Variants in RALYL observed in about 807,000 individuals in gnomAD.
RALYL encodes RNA-binding Raly-like protein.
Under a neutral mutation model 35.1 loss-of-function variants are expected in RALYL, and 29 were observed. The observed-to-expected ratio is 0.83, with a 90% confidence interval of 0.61 to 1.13. RALYL has a LOEUF of 1.13. RALYL is among the 50% of genes most tolerant of loss of function. The pLI is 0.00. For missense variants in RALYL, 359 were observed against 360.4 expected (o/e 1.00, Z 0.03); for synonymous variants, 120 against 127.6 (o/e 0.94, Z 0.40).
At chr8:84,533,914 C>T (rs1056323785) in intron 2 of RALYL, among the ~76,000 whole-genome samples, 11 of 152,170 alleles carry the variant, frequency 7.2e-5, no homozygotes, top group African/African-American at 1.7e-4. Flanking sequence ...TAACAATTCC[C>T]GTCAAGCATG....
chr8:84,709,336 C>CA (rs1354596489), intron 2 of RALYL, among the ~76,000 whole-genome samples: 1 of 151,884 alleles, frequency 6.6e-6, no homozygotes, highest in Non-Finnish European at 1.5e-5. Context: ...CTTGGGTGCC[C>CA]ATGGAGTTAC....
intron 3 of RALYL, among the ~76,000 whole-genome samples, chr8:84,789,380 AT>A (rs1272701982): frequency 6.6e-6 from 1 of 152,234 alleles, no homozygotes; most frequent in African/African-American, 2.4e-5. Context: ...TATCTACAAC[AT>A]CAGTGGCAAA....
chr8:84,907,612 C>T (rs905535675), intron 8 of RALYL, among the ~76,000 whole-genome samples: 2 of 151,934 alleles, frequency 1.3e-5, no homozygotes, highest in African/African-American at 2.4e-5. Flanking sequence ...ATTCTAACAC[C>T]CTTAGATATT....
intron 4 of RALYL, among the ~76,000 whole-genome samples, chr8:84,830,146 A>T (rs541175738): frequency 1.3e-5 from 2 of 152,034 alleles, no homozygotes; most frequent in Non-Finnish European, 2.9e-5. Flanking sequence ...AGGCAGTGTC[A>T]CCTCATTGGA....
intron 3 of RALYL, among the ~76,000 whole-genome samples, chr8:84,777,569 G>T (rs1268989402): frequency 6.6e-6 from 1 of 152,138 alleles, no homozygotes; most frequent in Non-Finnish European, 1.5e-5. Context: ...TAGAGAATAT[G>T]GTGGCGGCTT....
intron 1 of RALYL, among the ~76,000 whole-genome samples, chr8:84,266,605 T>C (rs1833344735): frequency 6.6e-6 from 1 of 152,196 alleles, no homozygotes; most frequent in Non-Finnish European, 1.5e-5. Context: ...TGTTTTTCAT[T>C]ACTTTTCCTA....
chr8:84,811,683 C>T (rs551488429), intron 4 of RALYL, among the ~76,000 whole-genome samples: 3 of 152,232 alleles, frequency 2.0e-5, no homozygotes, highest in Admixed American at 6.5e-5. Context: ...AATATAACCC[C>T]AGACTTCTTA....
At chr8:84,424,158 T>A (rs1225650388) in intron 1 of RALYL, among the ~76,000 whole-genome samples, 1 of 150,594 alleles carries the variant, frequency 6.6e-6, no homozygotes, top group Non-Finnish European at 1.5e-5. Flanking sequence ...CCAACTTGGT[T>A]CCATTCTCCC....
At chr8:84,776,775 G>A (rs1219480960) in intron 3 of RALYL, among the ~76,000 whole-genome samples, 1 of 152,108 alleles carries the variant, frequency 6.6e-6, no homozygotes, top group Non-Finnish European at 1.5e-5. Context: ...TGACATGAAT[G>A]TCATTTTCAC....
chr8:84,392,540 C>T (rs765769039), intron 1 of RALYL, among the ~76,000 whole-genome samples: 2 of 151,948 alleles, frequency 1.3e-5, no homozygotes, highest in Admixed American at 6.6e-5. Context: ...AAATACATCT[C>T]TGTATGTGGA....
At chr8:84,503,658 G>T (rs552567849) in intron 1 of RALYL, among the ~76,000 whole-genome samples, 7 of 152,098 alleles carry the variant, frequency 4.6e-5, no homozygotes, top group Admixed American at 2.6e-4. Context: ...AGACCAGCCT[G>T]GCCAAGATGG....
Position 84,833,238 on chromosome 8 carries a change from T to G in RALYL, c.366-16742T>G, listed in dbSNP as rs1002836669. 2.6e-5 allele frequency among the ~76,000 whole-genome samples: 4 copies of G among 152,294 alleles called. No individual in the cohort carries two copies. The South Asian group carries it at 8.3e-4, about 32-fold the overall frequency. ...GGTCAAAATTATTCTAAAAGTGCAC[T>G]GACACATACTAAACTAAATATTTCC... On this transcript the variant is annotated intron_variant, in intron 4 of 8. Coordinates refer to ENST00000521268, the MANE Select transcript of RALYL (RefSeq NM_173848.7).
intron 4 of RALYL, among the ~76,000 whole-genome samples, chr8:84,808,935 A>G (rs1385988638): frequency 6.6e-6 from 1 of 152,180 alleles, no homozygotes; most frequent in Non-Finnish European, 1.5e-5. Flanking sequence ...AAGGAAAACA[A>G]TCATATTGTT....
intron 1 of RALYL, among the ~76,000 whole-genome samples, chr8:84,502,788 G>T (rs1361456932): frequency 2.0e-5 from 3 of 151,694 alleles, no homozygotes; most frequent in Non-Finnish European, 2.9e-5. Flanking sequence ...ATTTCATCGA[G>T]TATTGTAAAA....
chr8:84,650,420 A>C (rs1828501075), intron 2 of RALYL, among the ~76,000 whole-genome samples: 1 of 152,136 alleles, frequency 6.6e-6, no homozygotes, highest in African/African-American at 2.4e-5. Flanking sequence ...AAGACGTGAA[A>C]AGACACTTCT....
intron 2 of RALYL, among the ~76,000 whole-genome samples, chr8:84,617,475 G>C (rs1292454435): frequency 6.7e-6 from 1 of 149,802 alleles, no homozygotes; most frequent in Non-Finnish European, 1.5e-5. Context: ...TTGCTTATCA[G>C]CTTAAGGAGA....
At chr8:84,637,742 G>A (rs1825379303) in intron 2 of RALYL, among the ~76,000 whole-genome samples, 2 of 151,734 alleles carry the variant, frequency 1.3e-5, no homozygotes, top group African/African-American at 4.8e-5. Flanking sequence ...ACAATAGCTG[G>A]GTTGCTGACT....
At chr8:84,862,214 G>A (rs1838233227) in intron 5 of RALYL, 82 bp from the exon 6 acceptor site, 2 of 1,161,954 alleles carry the variant, frequency 1.7e-6, no homozygotes, top group African/African-American at 1.6e-5. Context: ...TTTCTACCAG[G>A]ACATTCTGTT....
intron 2 of RALYL, among the ~76,000 whole-genome samples, chr8:84,535,765 G>A (rs1415217476): frequency 2.0e-5 from 3 of 151,720 alleles, no homozygotes; most frequent in Admixed American, 6.6e-5. Context: ...GAGCCACCGC[G>A]CCCGGCCGCA....
Sources: allele counts gnomAD v4.1 joint callset (sites outside exome capture counted in the v4.1 genomes callset), GRCh38; gene constraint gnomAD v4.1.1; transcripts MANE v1.5; gene names NCBI Gene and HGNC (gene_info 2026-07-23, HGNC 2026-07-21).